MLLT3: variants seen among roughly 807,000 people sequenced by gnomAD.
MLLT3 encodes MLLT3 super elongation complex subunit, also known as protein AF-9.
MLLT3 carries 4 observed loss-of-function variants against 53.2 expected under a neutral mutation model. The observed-to-expected ratio is 0.08, with a 90% CI of 0.04 to 0.17. The LOEUF (loss-of-function observed/expected upper bound fraction) is 0.17. MLLT3 is among the 10% of genes least tolerant of loss of function. The probability of loss-of-function intolerance (pLI) is 1.00; values close to 1 mark genes in which losing one functional copy is unlikely to be tolerated. For synonymous variants in MLLT3, 283 were observed against 230.6 expected (o/e 1.23, Z -2.06); for missense variants, 569 against 684.0 (o/e 0.83, Z 1.87).
At chr9:20,527,155 C>A (rs1017683565) in intron 2 of MLLT3, among the ~76,000 whole-genome samples, 1 of 151,724 alleles carries the variant, frequency 6.6e-6, no homozygotes, top group African/African-American at 2.4e-5. Context: ...TCTAGGAACA[C>A]AGAACAAGGA....
chr9:20,520,160 G>A (rs1818022584), intron 2 of MLLT3, among the ~76,000 whole-genome samples: 2 of 152,060 alleles, frequency 1.3e-5, no homozygotes, highest in South Asian at 4.2e-4. Flanking sequence ...AGAACACATG[G>A]ACACATAGAG....
intron 2 of MLLT3, among the ~76,000 whole-genome samples, chr9:20,552,760 G>T (rs1361421932): frequency 6.6e-6 from 1 of 152,016 alleles, no homozygotes; most frequent in Non-Finnish European, 1.5e-5. Flanking sequence ...TTAGGAAATA[G>T]TTTTAATAGA....
At chr9:20,413,293 C>T (rs1028063332) in intron 5 of MLLT3, among the ~76,000 whole-genome samples, 1 of 152,070 alleles carries the variant, frequency 6.6e-6, no homozygotes, top group Non-Finnish European at 1.5e-5. Flanking sequence ...TACTTCATTC[C>T]AATGATCAAA....
intron 2 of MLLT3, among the ~76,000 whole-genome samples, chr9:20,513,104 A>G (rs1478343953): frequency 1.3e-5 from 2 of 152,196 alleles, no homozygotes; most frequent in African/African-American, 4.8e-5. Flanking sequence ...GCTCTAGGAA[A>G]TATAGTTGTA....
chr9:20,434,069 C>T (rs931472712), intron 4 of MLLT3, among the ~76,000 whole-genome samples: 2 of 151,938 alleles, frequency 1.3e-5, no homozygotes, highest in Non-Finnish European at 2.9e-5. Flanking sequence ...TGCAGTGAGC[C>T]AAGACGGTGC....
At chr9:20,502,092 AAGGG>A (rs1207216596) in intron 2 of MLLT3, among the ~76,000 whole-genome samples, 1 of 114,526 alleles carries the variant, frequency 8.7e-6, no homozygotes, top group African/African-American at 2.9e-5. Context: ...AAAAAAAAAA[AAGGG>A]GGGGGGGGGG....
intron 2 of MLLT3, among the ~76,000 whole-genome samples, chr9:20,582,720 G>A (rs926460741): frequency 6.6e-6 from 1 of 152,148 alleles, no homozygotes; most frequent in African/African-American, 2.4e-5. Flanking sequence ...AGCAAAAGCA[G>A]AAACCCCTGA....
intron 2 of MLLT3, among the ~76,000 whole-genome samples, chr9:20,606,732 G>A (rs1478612169): frequency 6.6e-6 from 1 of 151,944 alleles, no homozygotes; most frequent in Non-Finnish European, 1.5e-5. Context: ...ATACAGGAGG[G>A]CTTTTCTTTT....
At chr9:20,556,525 A>C (rs1819061749) in intron 2 of MLLT3, among the ~76,000 whole-genome samples, 1 of 152,034 alleles carries the variant, frequency 6.6e-6, no homozygotes, top group East Asian at 1.9e-4. Flanking sequence ...TCTACTAAAA[A>C]CATAAAAATT....
intron 5 of MLLT3, among the ~76,000 whole-genome samples, chr9:20,367,222 C>T (rs1266471435): frequency 1.3e-5 from 2 of 152,234 alleles, no homozygotes; most frequent in Non-Finnish European, 2.9e-5. Context: ...GAAAGTTCCA[C>T]ATCCTCTTTG....
intron 2 of MLLT3, among the ~76,000 whole-genome samples, chr9:20,469,718 A>T (rs1824333722): frequency 7.6e-6 from 1 of 131,592 alleles, no homozygotes; most frequent in Admixed American, 7.4e-5. Context: ...AATTCGGTGC[A>T]ATCAGGAAAA....
chr9:20,522,676 T>A (rs1051354838), intron 2 of MLLT3, among the ~76,000 whole-genome samples: 1 of 113,842 alleles, frequency 8.8e-6, no homozygotes, highest in Admixed American at 9.1e-5. Context: ...ATAAAAACAG[T>A]TGTTTTTTTT....
intron 2 of MLLT3, among the ~76,000 whole-genome samples, chr9:20,459,854 C>A (rs944807862): frequency 6.6e-6 from 1 of 152,078 alleles, no homozygotes; most frequent in African/African-American, 2.4e-5. Flanking sequence ...TAACAATGAA[C>A]AATGTCTGTA....
At chr9:20,410,154 C>T (rs544326121) in intron 5 of MLLT3, among the ~76,000 whole-genome samples, 3 of 151,970 alleles carry the variant, frequency 2.0e-5, no homozygotes, top group Admixed American at 1.3e-4. Flanking sequence ...TGACAAAAGA[C>T]AAAACTCAAA....
At chr9:20,452,661 C>T (rs957665162) in intron 3 of MLLT3, among the ~76,000 whole-genome samples, 2 of 152,040 alleles carry the variant, frequency 1.3e-5, no homozygotes, top group African/African-American at 4.8e-5. Context: ...AGAGCCTAGA[C>T]CTATTAAATT....
intron 2 of MLLT3, among the ~76,000 whole-genome samples, chr9:20,537,271 A>G (rs539426157): frequency 6.6e-6 from 1 of 152,384 alleles, no homozygotes; most frequent in East Asian, 1.9e-4. Flanking sequence ...CATACAGAAT[A>G]GAATGTATTC....
chr9:20,489,804 T>C (rs1824902980), intron 2 of MLLT3, among the ~76,000 whole-genome samples: 1 of 152,026 alleles, frequency 6.6e-6, no homozygotes, highest in African/African-American at 2.4e-5. Flanking sequence ...TTGATGACAA[T>C]CAAACCTAGG....
At chr9:20,485,685 C>T (rs1349016194) in intron 2 of MLLT3, among the ~76,000 whole-genome samples, 1 of 152,106 alleles carries the variant, frequency 6.6e-6, no homozygotes, top group African/African-American at 2.4e-5. Flanking sequence ...AAAATCACTA[C>T]ATTTTCTGCT....
At chr9:20,498,060 A>T (rs1054412938) in intron 2 of MLLT3, among the ~76,000 whole-genome samples, 3 of 151,412 alleles carry the variant, frequency 2.0e-5, no homozygotes, top group African/African-American at 7.3e-5. Context: ...TGTCTCTACT[A>T]AAAAATATAA....
Sources: gnomAD v4.1 joint callset for allele counts (sites outside exome capture counted in the v4.1 genomes callset) on GRCh38, gnomAD v4.1.1 for gene constraint, MANE v1.5 for transcripts, NCBI Gene and HGNC (gene_info 2026-07-23, HGNC 2026-07-21) for gene names.